STK32A: variants seen among roughly 807,000 people sequenced by gnomAD.
STK32A encodes the protein serine/threonine-protein kinase 32A.
STK32A carries 41 observed loss-of-function variants against 53.2 expected under a neutral mutation model. The ratio of observed to expected loss-of-function variants is 0.77; its 90% confidence interval spans 0.60 to 1.00. The LOEUF (loss-of-function observed/expected upper bound fraction) is 1.00. Among genes scored for constraint, STK32A ranks in the 50% least tolerant of loss-of-function variants. STK32A has a pLI of 0.00. For missense variants in STK32A, 458 were observed against 485.8 expected, an observed-to-expected ratio of 0.94 and a Z score of 0.54; for synonymous variants, 166 against 162.8, an observed-to-expected ratio of 1.02 and a Z score of -0.15.
At chr5:147,352,356 C>T (rs933709307) in intron 7 of STK32A, among the ~76,000 whole-genome samples, 3 of 152,072 alleles carry the variant, frequency 2.0e-5, no homozygotes, top group Non-Finnish European at 2.9e-5. Context: ...TAAGGGGTGA[C>T]CAAAAAGAGA....
intron 4 of STK32A, among the ~76,000 whole-genome samples, chr5:147,294,330 C>T (rs1351347750): frequency 2.6e-5 from 4 of 152,144 alleles, no homozygotes; most frequent in South Asian, 2.1e-4. Flanking sequence ...GGCATGATCT[C>T]GGCTCGCTGC....
intron 4 of STK32A, among the ~76,000 whole-genome samples, chr5:147,285,761 A>G (rs1479309354): frequency 1.2e-5 from 1 of 86,476 alleles, no homozygotes; most frequent in African/African-American, 4.6e-5. Context: ...TCCTGCAAGA[A>G]TGGTTATAAT....
At chr5:147,259,504 C>A (rs1175678534) in intron 2 of STK32A, among the ~76,000 whole-genome samples, 2 of 150,978 alleles carry the variant, frequency 1.3e-5, no homozygotes, top group Admixed American at 6.6e-5. Context: ...CCGAGAAGAC[C>A]TTCGATTATC....
chr5:147,341,158 A>G (rs1178122754), intron 5 of STK32A, among the ~76,000 whole-genome samples: 2 of 152,040 alleles, frequency 1.3e-5, no homozygotes, highest in African/African-American at 4.8e-5. Flanking sequence ...GCCTCTCTCA[A>G]CTCTCATCCA....
At chr5:147,271,580 A>G (rs947235284) in intron 2 of STK32A, among the ~76,000 whole-genome samples, 1 of 152,230 alleles carries the variant, frequency 6.6e-6, no homozygotes, top group Admixed American at 6.5e-5. Flanking sequence ...TGGGAGAAAT[A>G]TCGCTGAATT....
In STK32A at chr5:147,384,548, T is replaced by C. The variant is rs1043207794; in HGVS notation, c.*565T>C. The C allele has an allele frequency of 9.2e-6, 8 of 866,048 alleles. No individual in the cohort carries two copies. In the East Asian group the frequency reaches 1.9e-4, roughly 21 times the overall value. The allele number at this position is 866,048 out of a possible 1,614,324, so 53.6% of individuals were successfully genotyped here. ...GATGGATGAGGGCCTTCCAGTGATATGCGTGAATCAGCATTAGATCCGCTT... is the reference window on the plus strand; with the variant it reads ...GATGGATGAGGGCCTTCCAGTGATACGCGTGAATCAGCATTAGATCCGCTT... On this transcript the variant is annotated 3_prime_UTR_variant, in exon 13 of 13. Transcript: ENST00000397936.
chr5:147,375,057 A>G (rs1309395506), intron 10 of STK32A, 33 bp from the exon 11 acceptor site: 2 of 1,574,298 alleles, frequency 1.3e-6, no homozygotes, highest in South Asian at 2.4e-5. Flanking sequence ...TGATACAGTA[A>G]TCTGAGGATT....
intron 2 of STK32A, among the ~76,000 whole-genome samples, chr5:147,253,093 A>G (rs1561669521): frequency 6.6e-6 from 1 of 152,260 alleles, no homozygotes; most frequent in African/African-American, 2.4e-5. Context: ...ATTCTAAAAC[A>G]TAAATATAAT....
chr5:147,291,830 G>A (rs1752613216), intron 4 of STK32A, among the ~76,000 whole-genome samples: 1 of 152,066 alleles, frequency 6.6e-6, no homozygotes, highest in Admixed American at 6.5e-5. Flanking sequence ...ATGTTATCAG[G>A]ACCAACATAC....
chr5:147,300,002 C>A (rs1447336829), intron 4 of STK32A, among the ~76,000 whole-genome samples: 3 of 152,084 alleles, frequency 2.0e-5, no homozygotes, highest in Non-Finnish European at 4.4e-5. Context: ...CTATTTCTCT[C>A]TTCTCAGTGG....
chr5:147,376,516 TA>T (rs1757238571), intron 11 of STK32A, among the ~76,000 whole-genome samples: 1 of 152,218 alleles, frequency 6.6e-6, no homozygotes, highest in East Asian at 1.9e-4. Context: ...TACAAGTTTT[TA>T]AAGTTTTAGA....
At chr5:147,326,711 G>A (rs1323971572) in intron 5 of STK32A, among the ~76,000 whole-genome samples, 1 of 152,112 alleles carries the variant, frequency 6.6e-6, no homozygotes, top group Admixed American at 6.6e-5. Context: ...AGACCTACTT[G>A]TACCTTGGTC....
At chr5:147,363,497 C>T (rs1581140395) in intron 8 of STK32A, among the ~76,000 whole-genome samples, 1 of 152,168 alleles carries the variant, frequency 6.6e-6, no homozygotes, top group Non-Finnish European at 1.5e-5. Flanking sequence ...CCCTGCTCCC[C>T]AAGCCAGTGC....
At chr5:147,341,075 G>A (rs1755379772) in intron 5 of STK32A, among the ~76,000 whole-genome samples, 2 of 152,186 alleles carry the variant, frequency 1.3e-5, no homozygotes, top group Non-Finnish European at 2.9e-5. Context: ...CTCATAAAAT[G>A]TCAAATCCAC....
intron 2 of STK32A, among the ~76,000 whole-genome samples, chr5:147,273,461 T>G (rs1412800555): frequency 6.6e-6 from 1 of 152,198 alleles, no homozygotes. Flanking sequence ...TGAGTGCAAC[T>G]AGGCAGACTC....
intron 4 of STK32A, among the ~76,000 whole-genome samples, chr5:147,313,621 A>G (rs1299122773): frequency 1.3e-5 from 2 of 152,240 alleles, no homozygotes; most frequent in Non-Finnish European, 2.9e-5. Context: ...AAGACTAGCC[A>G]AAACAATCTT....
intron 4 of STK32A, among the ~76,000 whole-genome samples, chr5:147,308,525 C>CTTT (rs1381682920): frequency 1.3e-5 from 2 of 152,072 alleles, no homozygotes; most frequent in Non-Finnish European, 2.9e-5. Context: ...TCAATCTTGC[C>CTTT]TTTTCTTTCC....
chr5:147,343,700 G>A (rs922708446), intron 6 of STK32A, among the ~76,000 whole-genome samples: 8 of 152,166 alleles, frequency 5.3e-5, no homozygotes, highest in African/African-American at 1.9e-4. Flanking sequence ...AAGGAAGCTG[G>A]AACTGCTTCA....
intron 5 of STK32A, among the ~76,000 whole-genome samples, chr5:147,341,978 C>T (rs1755437349): frequency 2.0e-5 from 3 of 152,058 alleles, no homozygotes; most frequent in South Asian, 4.2e-4. Context: ...GTTTGCAAAG[C>T]CTTGGTGAAT....
Sources: allele counts gnomAD v4.1 joint callset (sites outside exome capture counted in the v4.1 genomes callset), GRCh38; gene constraint gnomAD v4.1.1; transcripts MANE v1.5; gene names NCBI Gene and HGNC (gene_info 2026-07-23, HGNC 2026-07-21).